EPS8: variants seen among roughly 807,000 people sequenced by gnomAD.
The protein encoded by EPS8 is EGFR pathway substrate 8, signaling adaptor, also known as epidermal growth factor receptor kinase substrate 8.
In EPS8, 42 loss-of-function variants were observed where a neutral mutation model predicts 103.8. That is an observed-to-expected ratio of 0.40 (90% CI 0.32 to 0.52). The LOEUF is 0.52. Among genes scored for constraint, EPS8 ranks in the 20% least tolerant of loss-of-function variants. The pLI, the probability that EPS8 is intolerant of heterozygous loss-of-function variation, is 0.40. For missense variants in EPS8, 969 were observed against 1,005.1 expected, an observed-to-expected ratio of 0.96 and a Z score of 0.49; for synonymous variants, 344 against 344.6, an observed-to-expected ratio of 1.00 and a Z score of 0.02.
intron 8 of EPS8, among the ~76,000 whole-genome samples, chr12:15,664,478 A>G (rs1945673346): frequency 6.6e-6 from 1 of 152,188 alleles, no homozygotes; most frequent in African/African-American, 2.4e-5. Context: ...AGTAGGTACT[A>G]CCATAAACAT....
chr12:15,658,573 G>T lies in EPS8; in HGVS notation c.950C>A (p.Thr317Lys). ...AGGAGGTGGAGGTTTTGCCCGCAGC[G>T]TTAAAACACCCTCTAATGAAATAAG... ...KRKGPGEGVL[T>K]LRAKPPPPDE... Residue 317 changes from threonine (T) to lysine (K), a missense_variant, in exon 11 of 21, where the codon ACG (threonine) becomes AAG (lysine). By Grantham distance (78) the Thr-to-Lys change is moderately conservative. Coordinates refer to ENST00000281172, the MANE Select transcript of EPS8 (RefSeq NM_004447.6). 1.2e-6 allele frequency: 2 copies of T among 1,610,474 alleles called. No homozygotes were observed. The highest frequency in any genetic ancestry group is 2.2e-5 in the East Asian group (1 of 44,830).
At position 15,771,852 on chromosome 12, in the gene EPS8, C is replaced by T. The variant is rs1458460388; in HGVS notation, c.-22+17309G>A. Among the ~76,000 whole-genome samples the T allele has an allele frequency of 1.3e-5, 2 of 152,058 alleles. No individual in the cohort carries two copies. The highest frequency in any genetic ancestry group is 1.9e-4 in the East Asian group (1 of 5,180). On this transcript the variant is annotated intron_variant, in intron 1 of 20. Coordinates refer to ENST00000281172, the MANE Select transcript of EPS8 (RefSeq NM_004447.6). The surrounding 1 kb of genome is among the most constrained non-coding windows in gnomAD (Gnocchi z 4.6). The stretch of plus-strand genomic sequence containing the variant: ...ACAAAAGAAAGGGGAAGGCCGGGGG[C>T]GGTGGCTCATGCCTGTAATCACAGC...
intron 1 of EPS8, among the ~76,000 whole-genome samples, chr12:15,746,871 T>A (rs1384995985): frequency 6.6e-6 from 1 of 152,166 alleles, no homozygotes; most frequent in Non-Finnish European, 1.5e-5. Flanking sequence ...TGTCCACTAC[T>A]GTTTGCATGC....
rs1946998464 is a variant in EPS8 at position 15,757,496 on chromosome 12, G to A, written c.-22+31665C>T. On this transcript the variant is annotated intron_variant, in intron 1 of 20. Coordinates refer to ENST00000281172, the MANE Select transcript of EPS8 (RefSeq NM_004447.6). The surrounding 1 kb of genome is among the most constrained non-coding windows in gnomAD (Gnocchi z 4.1). ...AATACAAAAATTAGCTAGGCGTGGT[G>A]GCGCATGCCTGTAATCCCAGTTGCT... Among the ~76,000 whole-genome samples the A allele has an allele frequency of 1.3e-5, 2 of 152,134 alleles. No homozygotes were observed.
At chr12:15,642,229 G>A (rs945324570) in intron 15 of EPS8, among the ~76,000 whole-genome samples, 1 of 151,886 alleles carries the variant, frequency 6.6e-6, no homozygotes, top group African/African-American at 2.4e-5. Context: ...TTCCATAGTG[G>A]TAATTTTAGT....
At position 15,693,729 on chromosome 12, in the gene EPS8, C is replaced by T. The variant is rs570615777; in HGVS notation, c.-21-10757G>A. 2.0e-4 allele frequency among the ~76,000 whole-genome samples: 31 copies of T among 152,284 alleles called. No homozygotes were observed. The highest frequency in any genetic ancestry group is 4.3e-4 in the Non-Finnish European group (29 of 68,030). ...ATGCAGCCATAAAAAGGAATGAAAA[C>T]ATGTCCTTTGCAGGGACGTGGATGA... On this transcript the variant is annotated intron_variant, in intron 1 of 20. Transcript: ENST00000281172. The surrounding 1 kb of genome is among the most constrained non-coding windows in gnomAD (Gnocchi z 5.6).
rs1591873739 is a variant in EPS8, at chr12:15,702,024, A to C, written c.-21-19052T>G. Among the ~76,000 whole-genome samples the C allele has an allele frequency of 6.6e-6, 1 of 152,348 alleles. No individual in the cohort carries two copies. Among genetic ancestry groups the C allele is most frequent in the East Asian group, 1.9e-4 (1 of 5,182 alleles). Reference sequence around the variant, plus strand: ...TTCATGGAAACTAGTTTAAATATTAAATGACTACACATGTGAAAAAGAAAT... The same window carrying C: ...TTCATGGAAACTAGTTTAAATATTACATGACTACACATGTGAAAAAGAAAT... On this transcript the variant is annotated intron_variant, in intron 1 of 20. Transcript: ENST00000281172. This position sits in a 1 kb window ranked among gnomAD's most constrained non-coding sequence, Gnocchi z 5.1.
intron 1 of EPS8, among the ~76,000 whole-genome samples, chr12:15,758,836 T>C (rs1947013816): frequency 6.6e-6 from 1 of 152,186 alleles, no homozygotes; most frequent in South Asian, 2.1e-4. Flanking sequence ...TGAAGTGCCT[T>C]AATGTCTGCG....
At chr12:15,669,233 C>T (rs1945768993) in intron 6 of EPS8, among the ~76,000 whole-genome samples, 154 bp downstream of exon 6, 1 of 152,116 alleles carries the variant, frequency 6.6e-6, no homozygotes, top group South Asian at 2.1e-4. Context: ...CATGGAAATC[C>T]TAGAGAAGAT....
chr12:15,646,303 G>C (rs1056495313), intron 15 of EPS8, among the ~76,000 whole-genome samples: 1 of 152,080 alleles, frequency 6.6e-6, no homozygotes, highest in African/African-American at 2.4e-5. Context: ...ATTAAGAAAA[G>C]AGTATACAGA....
At chr12:15,719,933 C>T (rs1337657382) in intron 1 of EPS8, among the ~76,000 whole-genome samples, 1 of 152,088 alleles carries the variant, frequency 6.6e-6, no homozygotes, top group Non-Finnish European at 1.5e-5. Context: ...GGCAAAAAGC[C>T]ATGGATTTGA....
intron 1 of EPS8, among the ~76,000 whole-genome samples, chr12:15,685,917 CAA>C (rs1427752813): frequency 1.3e-4 from 20 of 152,196 alleles, no homozygotes; most frequent in African/African-American, 4.8e-4. Context: ...ACTAAAGAGA[CAA>C]AGGTTTTTTT....
chr12:15,731,500 G>A lies in EPS8; in HGVS notation c.-21-48528C>T, dbSNP rs146390288. Among the ~76,000 whole-genome samples, 2,265 of 152,194 alleles carry A rather than the reference G, an allele frequency of 0.015. 64 individuals carry two copies. The highest frequency in any genetic ancestry group is 0.052 in the African/African-American group (2,150 of 41,514). ...TTTAGTAGAAACGGGGTTTCACCGT[G>A]TAGGCCAGGCTGGTCTCGAACTCCT... On this transcript the variant is annotated intron_variant, in intron 1 of 20. Transcript: ENST00000281172. The surrounding 1 kb of genome is among the most constrained non-coding windows in gnomAD (Gnocchi z 5.1).
chr12:15,646,302 A>G (rs1306831946), intron 15 of EPS8, among the ~76,000 whole-genome samples: 1 of 152,188 alleles, frequency 6.6e-6, no homozygotes, highest in Non-Finnish European at 1.5e-5. Flanking sequence ...TATTAAGAAA[A>G]GAGTATACAG....
Position 15,701,095 on chromosome 12 carries a change from A to G in EPS8, c.-21-18123T>C, listed in dbSNP as rs1276520865. ...TGACTTCAATCTGCTAAATTAACTA[A>G]TATCTTTGGCTTCAAAATAGTCACT... On this transcript the variant is annotated intron_variant, in intron 1 of 20. Coordinates refer to ENST00000281172, the MANE Select transcript of EPS8 (RefSeq NM_004447.6). This position sits in a 1 kb window ranked among gnomAD's most constrained non-coding sequence, Gnocchi z 5.1. Among the ~76,000 whole-genome samples the G allele has an allele frequency of 2.6e-5, 4 of 152,190 alleles. No homozygotes were observed. The highest frequency in any genetic ancestry group is 2.9e-5 in the Non-Finnish European group (2 of 68,024).
chr12:15,705,631 T>C (rs1946375596), intron 1 of EPS8, among the ~76,000 whole-genome samples: 1 of 152,226 alleles, frequency 6.6e-6, no homozygotes, highest in South Asian at 2.1e-4. Flanking sequence ...CTAATTAAAG[T>C]ACTTAACACT....
intron 1 of EPS8, among the ~76,000 whole-genome samples, chr12:15,687,438 C>T (rs1046633286): frequency 2.6e-5 from 4 of 152,046 alleles, no homozygotes. Context: ...TAGTTTTATG[C>T]CTTTAAGTCA....
chr12:15,782,543 A>G (rs1947270704), intron 1 of EPS8, among the ~76,000 whole-genome samples: 1 of 152,086 alleles, frequency 6.6e-6, no homozygotes, highest in Non-Finnish European at 1.5e-5. Context: ...AACACAGACA[A>G]ACCACGTAGC....
At chr12:15,729,627 T>G (rs1946691854) in intron 1 of EPS8, among the ~76,000 whole-genome samples, 1 of 152,226 alleles carries the variant, frequency 6.6e-6, no homozygotes, top group Non-Finnish European at 1.5e-5. Context: ...TATTCTGTTC[T>G]CATTTTCATT....
Sources: gnomAD v4.1 joint callset for allele counts (sites outside exome capture counted in the v4.1 genomes callset) on GRCh38, gnomAD v4.1.1 for gene constraint, Gnocchi (gnomAD v3.1) non-coding constraint, MANE v1.5 for transcripts, NCBI Gene and HGNC (gene_info 2026-07-23, HGNC 2026-07-21) for gene names.